Variants in LAMA2 observed in about 807,000 individuals in gnomAD.
LAMA2 encodes laminin subunit alpha-2.
LAMA2 carries 269 observed loss-of-function variants against 364.8 expected under a neutral mutation model. That is an observed-to-expected ratio of 0.74 (90% CI 0.67 to 0.82). The LOEUF (loss-of-function observed/expected upper bound fraction) is 0.82. Among genes scored for constraint, LAMA2 ranks in the 40% least tolerant of loss-of-function variants. LAMA2 has a pLI of 0.00. For synonymous variants in LAMA2, 1,379 were observed against 1,370.6 expected (o/e 1.01, Z -0.14); for missense variants, 3,807 against 3,873.2 (o/e 0.98, Z 0.45).
intron 32 of LAMA2, among the ~76,000 whole-genome samples, chr6:129,364,600 A>G (rs1777655193): frequency 6.6e-6 from 1 of 152,184 alleles, no homozygotes; most frequent in South Asian, 2.1e-4. Context: ...TGGAAATTAT[A>G]CGACTATTTA....
In LAMA2 at chr6:129,503,277, C is replaced by T. The variant is rs1196380787; in HGVS notation, c.8544C>T (p.His2848=). ...IPTKINDGQW[H]KIKIMRSKQE... is the part of the protein sequence containing the mutation. ...CCAAAATCAATGATGGCCAGTGGCA[C>T]AAGGTAATAGTCCCCTGGATATTGG... Residue 2848 remains histidine (H), a synonymous_variant, in exon 60 of 65, where the codon CAC becomes CAT. Transcript: ENST00000421865. The T allele has an allele frequency of 1.2e-6, 2 of 1,612,842 alleles. No individual in the cohort carries two copies. Among genetic ancestry groups the T allele is most frequent in the African/African-American group, 2.7e-5 (2 of 74,882 alleles).
intron 12 of LAMA2, among the ~76,000 whole-genome samples, chr6:129,247,979 G>A (rs1332181076): frequency 6.6e-6 from 1 of 151,942 alleles, no homozygotes; most frequent in African/African-American, 2.4e-5. Flanking sequence ...TTTATGTCAG[G>A]GATCCCCAAC....
chr6:129,109,779 T>C (rs1003307484), intron 4 of LAMA2, among the ~76,000 whole-genome samples: 5 of 152,096 alleles, frequency 3.3e-5, no homozygotes, highest in Non-Finnish European at 5.9e-5. Flanking sequence ...AAAAATTATG[T>C]TTTTCTTTTA....
At chr6:129,222,360 T>A (rs1583283436) in intron 12 of LAMA2, among the ~76,000 whole-genome samples, 1 of 151,412 alleles carries the variant, frequency 6.6e-6, no homozygotes, top group East Asian at 2.0e-4. Context: ...TTTTTTTTTT[T>A]AAGTTAAGTT....
At chr6:129,069,325 A>G (rs1435558978) in intron 3 of LAMA2, among the ~76,000 whole-genome samples, 1 of 150,808 alleles carries the variant, frequency 6.6e-6, no homozygotes, top group African/African-American at 2.4e-5. Context: ...TGTATTTTCC[A>G]ATTTTATTCT....
intron 4 of LAMA2, among the ~76,000 whole-genome samples, chr6:129,117,454 CTTTG>C (rs762830738): frequency 1.4e-4 from 21 of 152,160 alleles, no homozygotes; most frequent in South Asian, 1.0e-3. Flanking sequence ...TGTGTGTCCA[CTTTG>C]TTTGTCACTC....
intron 22 of LAMA2, among the ~76,000 whole-genome samples, chr6:129,306,518 T>A (rs1027662938): frequency 6.6e-6 from 1 of 151,804 alleles, no homozygotes; most frequent in Admixed American, 6.5e-5. Context: ...AATTTGGAAA[T>A]GAAAGTTGTC....
At chr6:129,322,112 G>A (rs1775001654) in intron 28 of LAMA2, among the ~76,000 whole-genome samples, 1 of 152,162 alleles carries the variant, frequency 6.6e-6, no homozygotes, top group Non-Finnish European at 1.5e-5. Context: ...AACTGCAACT[G>A]TTTTGTGACA....
intron 33 of LAMA2, 28 bp downstream of exon 33, chr6:129,366,389 C>A (rs1269692928): frequency 6.2e-7 from 1 of 1,611,664 alleles, no homozygotes; most frequent in Non-Finnish European, 8.5e-7. Context: ...CAAGCAAGGG[C>A]CAGGGACAAG....
chr6:129,483,541 CAATATT>C (rs952810919), intron 55 of LAMA2, among the ~76,000 whole-genome samples: 3 of 151,984 alleles, frequency 2.0e-5, no homozygotes, highest in African/African-American at 7.2e-5. Context: ...ATTAAAGACT[CAATATT>C]AAAAATATGT....
intron 12 of LAMA2, among the ~76,000 whole-genome samples, chr6:129,236,634 A>G (rs943684840): frequency 6.6e-6 from 1 of 152,200 alleles, no homozygotes; most frequent in Admixed American, 6.5e-5. Context: ...ACATTGAAAT[A>G]GTAAGTAGCA....
chr6:129,029,855 GCTA>G (rs796860968), intron 1 of LAMA2, among the ~76,000 whole-genome samples: 4 of 152,042 alleles, frequency 2.6e-5, no homozygotes, highest in African/African-American at 9.6e-5. Flanking sequence ...GAATTCTGGG[GCTA>G]CTTTTTTCTC....
intron 51 of LAMA2, among the ~76,000 whole-genome samples, chr6:129,469,260 A>C (rs911526697): frequency 1.3e-5 from 2 of 151,932 alleles, no homozygotes; most frequent in Non-Finnish European, 1.5e-5. Context: ...TGTGGAAGAC[A>C]TATTGTCAGA....
chr6:129,285,533 A>T (rs946188621), intron 18 of LAMA2, among the ~76,000 whole-genome samples: 5 of 152,120 alleles, frequency 3.3e-5, no homozygotes, highest in Admixed American at 6.6e-5. Flanking sequence ...TATCTCTCCA[A>T]AGGGCAGTAA....
chr6:129,516,073 CTT>C, intron 64 of LAMA2, 115 bp from the exon 65 acceptor site: 1 of 1,165,202 alleles, frequency 8.6e-7, no homozygotes. Context: ...AAACCACTAA[CTT>C]TGCATAAAAC....
At chr6:129,335,370 A>T (rs777592297) in intron 29 of LAMA2, among the ~76,000 whole-genome samples, 7 of 151,938 alleles carry the variant, frequency 4.6e-5, no homozygotes, top group South Asian at 2.1e-4. Flanking sequence ...ATAGATAGAT[A>T]GATAGATAGA....
At chr6:129,392,823 A>T (rs2114674102) in intron 36 of LAMA2, among the ~76,000 whole-genome samples, 1 of 152,342 alleles carries the variant, frequency 6.6e-6, no homozygotes, top group Admixed American at 6.5e-5. Context: ...CAAATTTAAA[A>T]GGTTTCTTAA....
chr6:129,004,906 C>T (rs1784350163), intron 1 of LAMA2, among the ~76,000 whole-genome samples: 1 of 151,984 alleles, frequency 6.6e-6, no homozygotes, highest in South Asian at 2.1e-4. Context: ...GGCTTGTTGA[C>T]ACTATTTCAT....
rs562846878 is a variant in LAMA2, at chr6:129,059,552, C to T, written c.284-232C>T. Among the ~76,000 whole-genome samples, 7 of 152,228 alleles carry T rather than the reference C, an allele frequency of 4.6e-5. No homozygotes were observed. In the East Asian group the frequency reaches 1.4e-3, roughly 29 times the overall value. On this transcript the variant is annotated intron_variant, in intron 2 of 64. Coordinates refer to ENST00000421865, the MANE Select transcript of LAMA2 (RefSeq NM_000426.4). ...GGCCAGAGTGCTGACCAGCTCATTCCCCTGCAGCCTAAGCATTTAAACATT... is the reference window on the plus strand; with the variant it reads ...GGCCAGAGTGCTGACCAGCTCATTCTCCTGCAGCCTAAGCATTTAAACATT...
Sources: gnomAD v4.1 joint callset for allele counts (sites outside exome capture counted in the v4.1 genomes callset) on GRCh38, gnomAD v4.1.1 for gene constraint, MANE v1.5 for transcripts, NCBI Gene and HGNC (gene_info 2026-07-23, HGNC 2026-07-21) for gene names.